Variants in TLK2 observed in about 807,000 individuals in gnomAD.
TLK2 encodes tousled like kinase 2.
In TLK2, 6 loss-of-function variants were observed where a neutral mutation model predicts 117.3. The ratio of observed to expected loss-of-function variants is 0.05; its 90% CI spans 0.03 to 0.10. TLK2 has a LOEUF of 0.10. TLK2 is among the 10% of genes least tolerant of loss of function. The pLI, the probability that TLK2 is intolerant of heterozygous loss-of-function variation, is 1.00. For synonymous variants in TLK2, 257 were observed against 316.7 expected (o/e 0.81, Z 2.00); for missense variants, 299 against 901.2 (o/e 0.33, Z 8.56).
chr17:62,530,378 G>T (rs1172406612), intron 6 of TLK2, among the ~76,000 whole-genome samples: 2 of 152,096 alleles, frequency 1.3e-5, no homozygotes, highest in Non-Finnish European at 2.9e-5. Context: ...GAGGTGAGAG[G>T]ATTCCTCGAG....
intron 12 of TLK2, among the ~76,000 whole-genome samples, chr17:62,575,633 A>G (rs909520154): frequency 2.0e-5 from 3 of 151,316 alleles, no homozygotes; most frequent in African/African-American, 7.3e-5. Context: ...AATAATTCTC[A>G]CTTGTTCATC....
chr17:62,610,018 C>A (rs1221442547), intron 21 of TLK2, among the ~76,000 whole-genome samples: 1 of 152,178 alleles, frequency 6.6e-6, no homozygotes, highest in Non-Finnish European at 1.5e-5. Flanking sequence ...GCTCTCACTA[C>A]CCATGCCACA....
chr17:62,608,296 C>T (rs1304179407), intron 21 of TLK2, 148 bp downstream of exon 21: 1 of 663,528 alleles, frequency 1.5e-6, no homozygotes, highest in South Asian at 2.0e-5. Context: ...TTCCTAAGAA[C>T]ACTTGACAGA....
chr17:62,490,209 T>C (rs1218836157), intron 2 of TLK2, among the ~76,000 whole-genome samples: 2 of 152,250 alleles, frequency 1.3e-5, no homozygotes, highest in Non-Finnish European at 2.9e-5. Context: ...GCTAAACATA[T>C]ACTAGACCTT....
At position 62,600,723 on chromosome 17, in the gene TLK2, G is replaced by C. The variant is rs527985738; in HGVS notation, c.1623G>C (p.Ser541=). The C allele has an allele frequency of 6.2e-7, 1 of 1,612,960 alleles. No individual in the cohort carries two copies. Among genetic ancestry groups the C allele is most frequent in the Non-Finnish European group, 8.5e-7 (1 of 1,179,814 alleles). The change falls in exon 18 of 22, where the codon TCG becomes TCC. Residue 541 remains serine (S), a synonymous_variant. Transcript: ENST00000346027. ...ACCTGAAACAGCACAAATTAATGTC[G>C]GAGAAAGAGGCCCGGTCCATTATCA... ...DFYLKQHKLM[S]EKEARSIIMQ...
chr17:62,471,738 G>A (rs1186214782), intron 1 of TLK2, among the ~76,000 whole-genome samples: 1 of 152,044 alleles, frequency 6.6e-6, no homozygotes, highest in African/African-American at 2.4e-5. Flanking sequence ...GCACCTTTCA[G>A]AAGTGAACCC....
intron 1 of TLK2, among the ~76,000 whole-genome samples, chr17:62,471,976 G>A (rs2070951121): frequency 7.4e-6 from 1 of 134,730 alleles, no homozygotes; most frequent in Non-Finnish European, 1.5e-5. Flanking sequence ...TGTGATTTCG[G>A]CTCACTGCAA....
Position 62,504,516 on chromosome 17 carries a change from T to G in TLK2, c.82-16257T>G, listed in dbSNP as rs1411460688. Among the ~76,000 whole-genome samples the G allele has an allele frequency of 3.3e-5, 5 of 152,224 alleles. 1 individual carries two copies. The South Asian group carries it at 1.0e-3, about 32-fold the overall frequency. On this transcript the variant is annotated intron_variant, in intron 2 of 21. Transcript: ENST00000346027. ...GGAAATGCAAGTAAATGAGATTAAT[T>G]TTTTAGGCAGGGCATGGTGGCTCAT...
chr17:62,598,648 C>T (rs1272433288), intron 17 of TLK2, among the ~76,000 whole-genome samples: 1 of 151,992 alleles, frequency 6.6e-6, no homozygotes, highest in African/African-American at 2.4e-5. Context: ...CCTCAGCCTC[C>T]CATGTAGCTA....
intron 11 of TLK2, among the ~76,000 whole-genome samples, chr17:62,567,072 A>G (rs1373710959): frequency 6.6e-6 from 1 of 152,118 alleles, no homozygotes; most frequent in African/African-American, 2.4e-5. Flanking sequence ...TACAAAATAT[A>G]CAAAAATTAG....
chr17:62,532,174 TTTG>T (rs892276656), intron 6 of TLK2, among the ~76,000 whole-genome samples: 34 of 152,202 alleles, frequency 2.2e-4, no homozygotes, highest in South Asian at 6.2e-4. Flanking sequence ...TTAATGTTTT[TTTG>T]TTGTTGTTGT....
intron 2 of TLK2, among the ~76,000 whole-genome samples, chr17:62,498,943 G>A (rs573155560): frequency 1.3e-5 from 2 of 152,162 alleles, no homozygotes; most frequent in South Asian, 4.2e-4. Context: ...GCTCTCTGCA[G>A]CCTCAACCTC....
At chr17:62,576,982 A>ATTTTTTTTTTTTTTTTTT (rs1598707710) in intron 13 of TLK2, among the ~76,000 whole-genome samples, 1 of 33,896 alleles carries the variant, frequency 3.0e-5, no homozygotes, top group Admixed American at 2.7e-4. Flanking sequence ...TTTTTTTTTG[A>ATTTTTTTTTTTTTTTTTT]GTTGGAGTCT....
chr17:62,483,801 CT>C (rs2071991751), intron 2 of TLK2, among the ~76,000 whole-genome samples: 1 of 152,082 alleles, frequency 6.6e-6, no homozygotes, highest in Non-Finnish European at 1.5e-5. Context: ...CTGCACCCAG[CT>C]TTATTTCCAG....
intron 2 of TLK2, among the ~76,000 whole-genome samples, chr17:62,490,908 T>G (rs962646123): frequency 3.3e-5 from 5 of 152,146 alleles, no homozygotes; most frequent in African/African-American, 1.2e-4. Context: ...ATTTTTTATT[T>G]TTAAATTTTA....
chr17:62,570,633 T>A (rs1016326842), intron 11 of TLK2, among the ~76,000 whole-genome samples: 1 of 152,182 alleles, frequency 6.6e-6, no homozygotes, highest in Non-Finnish European at 1.5e-5. Context: ...GATATGGGAA[T>A]CCTTAAAATA....
chr17:62,575,804 C>T (rs1039377697), intron 12 of TLK2, among the ~76,000 whole-genome samples: 2 of 152,114 alleles, frequency 1.3e-5, no homozygotes, highest in African/African-American at 4.8e-5. Context: ...TCAAGCAATC[C>T]TTCCATCTCA....
chr17:62,597,589 C>G (rs558955209), intron 17 of TLK2, among the ~76,000 whole-genome samples: 1 of 152,218 alleles, frequency 6.6e-6, no homozygotes, highest in South Asian at 2.1e-4. Flanking sequence ...GTGATTTTAT[C>G]CTAGACTGAG....
chr17:62,523,415 C>T (rs1380691941), intron 5 of TLK2, among the ~76,000 whole-genome samples: 1 of 152,016 alleles, frequency 6.6e-6, no homozygotes, highest in Admixed American at 6.6e-5. Flanking sequence ...CCTGTCTCTA[C>T]AAAAAACAGA....
Sources: allele counts gnomAD v4.1 joint callset (sites outside exome capture counted in the v4.1 genomes callset), GRCh38; gene constraint gnomAD v4.1.1; transcripts MANE v1.5; gene names NCBI Gene and HGNC (gene_info 2026-07-23, HGNC 2026-07-21).